Variants in HMGCLL1 observed in about 807,000 individuals in gnomAD.
HMGCLL1 encodes the protein 3-hydroxy-3-methylglutaryl-CoA lyase like 1.
In HMGCLL1, 36 loss-of-function variants were observed where a neutral mutation model predicts 39.1. That is an observed-to-expected ratio of 0.92 (90% CI 0.71 to 1.22). The LOEUF is 1.22. HMGCLL1 is among the 50% of genes most tolerant of loss of function. The pLI, the probability that HMGCLL1 is intolerant of heterozygous loss-of-function variation, is 0.00. For missense variants in HMGCLL1, 451 were observed against 416.5 expected (o/e 1.08, Z -0.72); for synonymous variants, 149 against 144.0 (o/e 1.03, Z -0.25).
chr6:55,674,293 T>G, the HMGCLL1 span, among the ~76,000 whole-genome samples: 1 of 151,816 alleles, frequency 6.6e-6, no homozygotes, highest in African/African-American at 2.4e-5. Context: ...AGATACCTAA[T>G]TTAAAGTAGA....
intron 5 of HMGCLL1, among the ~76,000 whole-genome samples, chr6:55,506,613 C>T (rs1767178773): frequency 6.6e-6 from 1 of 151,610 alleles, no homozygotes; most frequent in South Asian, 2.1e-4. Flanking sequence ...TGACTCTTCC[C>T]TTTGACCAGC....
At chr6:55,473,739 A>T (rs1313110577) in intron 7 of HMGCLL1, among the ~76,000 whole-genome samples, 3 of 151,498 alleles carry the variant, frequency 2.0e-5, no homozygotes, top group Non-Finnish European at 4.4e-5. Flanking sequence ...ATATACATAC[A>T]TAAGTATCCT....
the HMGCLL1 span, among the ~76,000 whole-genome samples, chr6:55,650,856 C>T: frequency 4.2e-4 from 64 of 152,110 alleles, no homozygotes; most frequent in African/African-American, 1.4e-3. Flanking sequence ...CAGGCCACCA[C>T]GAATTTTTAC....
the HMGCLL1 span, among the ~76,000 whole-genome samples, chr6:55,604,319 C>A: frequency 6.6e-6 from 1 of 152,146 alleles, no homozygotes; most frequent in East Asian, 1.9e-4. Context: ...TCTTTAACTT[C>A]CATAGTTATT....
chr6:55,552,928 G>A (rs1168852868), intron 1 of HMGCLL1, among the ~76,000 whole-genome samples: 2 of 151,748 alleles, frequency 1.3e-5, no homozygotes, highest in Non-Finnish European at 2.9e-5. Context: ...GATCACCTGA[G>A]GTCAAGAGTT....
In HMGCLL1 at chr6:55,578,928, C is replaced by G. The variant is rs754289831; in HGVS notation, c.108+20G>C. 1 of 1,589,530 alleles carries G rather than the reference C, an allele frequency of 6.3e-7. No individual in the cohort carries two copies. Among genetic ancestry groups the G allele is most frequent in the South Asian group, 1.1e-5 (1 of 89,080 alleles). ...AGTGTGCGCATGAGGGTGGGGACAC[C>G]CTGGGCCGCGAGGTGGTACCTGCGC... On this transcript the variant is annotated intron_variant, in intron 1 of 8. Coordinates refer to ENST00000274901, the MANE Select transcript of HMGCLL1 (RefSeq NM_001042406.2).
In HMGCLL1 at chr6:55,486,242, T is replaced by A. The variant is rs915797176; in HGVS notation, c.795+9177A>T. Among the ~76,000 whole-genome samples, 177 of 151,998 alleles carry A rather than the reference T, an allele frequency of 1.2e-3. 1 individual carries two copies. Among genetic ancestry groups the A allele is most frequent in the African/African-American group, 3.8e-3 (158 of 41,500 alleles). ...TGATTTTCCATATTTTCTAAATATTTAAAAAATAATTTTTTAAATTATTGG... is the reference window on the plus strand; with the variant it reads ...TGATTTTCCATATTTTCTAAATATTAAAAAAATAATTTTTTAAATTATTGG... On this transcript the variant is annotated intron_variant, in intron 7 of 8. Transcript: ENST00000274901.
chr6:55,651,305 G>A, the HMGCLL1 span, among the ~76,000 whole-genome samples: 1 of 152,070 alleles, frequency 6.6e-6, no homozygotes. Context: ...AGCTCCAGTA[G>A]TGGTGGCCAC....
At chr6:55,493,973 C>T (rs1200231712) in intron 7 of HMGCLL1, among the ~76,000 whole-genome samples, 1 of 151,938 alleles carries the variant, frequency 6.6e-6, no homozygotes, top group Non-Finnish European at 1.5e-5. Flanking sequence ...CTGACCTCGT[C>T]GTGATCCGCC....
At chr6:55,556,880 T>C (rs1406178194) in intron 1 of HMGCLL1, among the ~76,000 whole-genome samples, 1 of 152,146 alleles carries the variant, frequency 6.6e-6, no homozygotes, top group Non-Finnish European at 1.5e-5. Context: ...GTACCTTACA[T>C]CTTGATTTCT....
chr6:55,651,834 C>G, the HMGCLL1 span, among the ~76,000 whole-genome samples: 1 of 152,074 alleles, frequency 6.6e-6, no homozygotes, highest in Non-Finnish European at 1.5e-5. Flanking sequence ...CAGGTGCTGG[C>G]TTAGCCTAGC....
At chr6:55,564,209 C>T (rs141710134) in intron 1 of HMGCLL1, among the ~76,000 whole-genome samples, 1 of 152,108 alleles carries the variant, frequency 6.6e-6, no homozygotes, top group Admixed American at 6.6e-5. Flanking sequence ...TTTTTTCATA[C>T]ATTATCTTCT....
the HMGCLL1 span, among the ~76,000 whole-genome samples, chr6:55,667,139 G>A: frequency 6.6e-6 from 1 of 151,510 alleles, no homozygotes; most frequent in Admixed American, 6.6e-5. Context: ...CATACAAGAA[G>A]GTGGACAATA....
chr6:55,550,967 A>G (rs534780349), intron 1 of HMGCLL1, among the ~76,000 whole-genome samples: 4 of 150,626 alleles, frequency 2.7e-5, no homozygotes, highest in Admixed American at 1.3e-4. Context: ...TAGCTCATCA[A>G]TTAGCTTTGG....
At chr6:55,558,389 T>C (rs1203877948) in intron 1 of HMGCLL1, among the ~76,000 whole-genome samples, 1 of 152,218 alleles carries the variant, frequency 6.6e-6, no homozygotes, top group East Asian at 1.9e-4. Flanking sequence ...TTATACCTGT[T>C]TTCAGAGGGT....
chr6:55,548,144 A>G (rs545849226), intron 1 of HMGCLL1, among the ~76,000 whole-genome samples: 2 of 152,190 alleles, frequency 1.3e-5, no homozygotes, highest in East Asian at 3.9e-4. Context: ...TTAACTTACT[A>G]CATCAAAAAG....
intron 5 of HMGCLL1, among the ~76,000 whole-genome samples, chr6:55,511,331 C>T (rs1354052551): frequency 6.6e-6 from 1 of 151,974 alleles, no homozygotes; most frequent in Non-Finnish European, 1.5e-5. Flanking sequence ...TATCTCTTCA[C>T]AATGTGTCCC....
the HMGCLL1 span, among the ~76,000 whole-genome samples, chr6:55,641,953 A>C: frequency 7.2e-6 from 1 of 138,572 alleles, no homozygotes; most frequent in Non-Finnish European, 1.5e-5. Flanking sequence ...ACATGTGCAC[A>C]TTGTGCAGGT....
intron 1 of HMGCLL1, among the ~76,000 whole-genome samples, chr6:55,561,541 A>C (rs1770946907): frequency 6.6e-6 from 1 of 152,050 alleles, no homozygotes; most frequent in African/African-American, 2.4e-5. Context: ...GGGTCCATGA[A>C]TTTGCATTTC....
Sources: gnomAD v4.1 joint callset for allele counts (sites outside exome capture counted in the v4.1 genomes callset) on GRCh38, gnomAD v4.1.1 for gene constraint, MANE v1.5 for transcripts, NCBI Gene and HGNC (gene_info 2026-07-23, HGNC 2026-07-21) for gene names.